Variants in RBMS3 observed in about 807,000 individuals in gnomAD.
RBMS3 encodes the protein RNA binding motif single stranded interacting protein 3.
RBMS3 carries 27 observed loss-of-function variants against 66.8 expected under a neutral mutation model. The observed-to-expected ratio is 0.40, with a 90% CI of 0.30 to 0.56. The LOEUF (loss-of-function observed/expected upper bound fraction) is 0.56, where lower values mean the gene tolerates loss of function less well. Among genes scored for constraint, RBMS3 ranks in the 20% least tolerant of loss-of-function variants. The pLI, the probability that RBMS3 is intolerant of heterozygous loss-of-function variation, is 0.40. For synonymous variants in RBMS3, 188 were observed against 183.0 expected (o/e 1.03, Z -0.22); for missense variants, 513 against 549.5 (o/e 0.93, Z 0.66).
intron 6 of RBMS3, among the ~76,000 whole-genome samples, chr3:29,834,856 A>G (rs1477606439): frequency 6.6e-6 from 1 of 152,020 alleles, no homozygotes; most frequent in East Asian, 1.9e-4. Flanking sequence ...CAAATGGATT[A>G]AAACAAGATG....
At chr3:29,809,337 G>GAA (rs138871471) in intron 6 of RBMS3, among the ~76,000 whole-genome samples, 74 of 147,462 alleles carry the variant, frequency 5.0e-4, no homozygotes, top group South Asian at 8.5e-4. Context: ...ATGATCAGTG[G>GAA]GAAAAAAAAA....
At chr3:29,654,387 T>C (rs1172721079) in intron 4 of RBMS3, among the ~76,000 whole-genome samples, 1 of 152,098 alleles carries the variant, frequency 6.6e-6, no homozygotes, top group African/African-American at 2.4e-5. Flanking sequence ...CACTATCAAA[T>C]TGGAGCCTAT....
chr3:29,833,987 A>T (rs2058439979), intron 6 of RBMS3, among the ~76,000 whole-genome samples: 1 of 152,150 alleles, frequency 6.6e-6, no homozygotes, highest in Non-Finnish European at 1.5e-5. Context: ...TCAGACAAGA[A>T]ATAGGTTTTT....
chr3:29,912,276 C>T (rs981895868), intron 10 of RBMS3, among the ~76,000 whole-genome samples: 4 of 152,006 alleles, frequency 2.6e-5, no homozygotes, highest in African/African-American at 4.8e-5. Context: ...TAGACTATTT[C>T]TGCATTGGCA....
intron 3 of RBMS3, among the ~76,000 whole-genome samples, chr3:29,525,476 G>T (rs191622746): frequency 6.6e-6 from 1 of 152,282 alleles, no homozygotes; most frequent in African/African-American, 2.4e-5. Flanking sequence ...CAAGCTGTTT[G>T]CACAGAATAG....
At chr3:29,488,264 C>A (rs567417901) in intron 2 of RBMS3, among the ~76,000 whole-genome samples, 177 bp from the exon 3 acceptor site, 2 of 152,124 alleles carry the variant, frequency 1.3e-5, no homozygotes, top group African/African-American at 4.8e-5. Flanking sequence ...AAGAACATTC[C>A]TAAGTTATAA....
chr3:29,578,825 C>T (rs1011347019), intron 3 of RBMS3, among the ~76,000 whole-genome samples: 5 of 88,634 alleles, frequency 5.6e-5, no homozygotes, highest in South Asian at 9.6e-4. Context: ...GACGGAGTCT[C>T]GCTCTGTCGC....
chr3:29,353,924 C>T (rs2037068248), intron 1 of RBMS3, among the ~76,000 whole-genome samples: 2 of 152,068 alleles, frequency 1.3e-5, no homozygotes, highest in South Asian at 4.1e-4. Flanking sequence ...GTATATTCTG[C>T]ATTTGAACTC....
intron 1 of RBMS3, among the ~76,000 whole-genome samples, chr3:29,388,786 A>C (rs557917395): frequency 4.6e-5 from 7 of 152,062 alleles, no homozygotes; most frequent in Non-Finnish European, 8.8e-5. Context: ...GGATGGTCTC[A>C]ATCTCCTGAC....
chr3:29,661,517 T>C (rs1559546501), intron 4 of RBMS3, among the ~76,000 whole-genome samples: 1 of 152,192 alleles, frequency 6.6e-6, no homozygotes, highest in East Asian at 1.9e-4. Flanking sequence ...TCCTGCTAGA[T>C]TATTTAATTT....
At chr3:29,813,020 GA>G (rs2149461366) in intron 6 of RBMS3, among the ~76,000 whole-genome samples, 1 of 151,972 alleles carries the variant, frequency 6.6e-6, no homozygotes, top group South Asian at 2.1e-4. Flanking sequence ...AGTGTATCAT[GA>G]ACTTCTTTAC....
At chr3:29,884,660 T>A (rs1441524047) in intron 8 of RBMS3, among the ~76,000 whole-genome samples, 2 of 151,830 alleles carry the variant, frequency 1.3e-5, no homozygotes, top group African/African-American at 2.4e-5. Flanking sequence ...CTCAGGTGAT[T>A]GCATCTTCAT....
intron 12 of RBMS3, among the ~76,000 whole-genome samples, chr3:29,986,626 C>A (rs1391310904): frequency 6.6e-6 from 1 of 152,172 alleles, no homozygotes; most frequent in African/African-American, 2.4e-5. Flanking sequence ...CTACAACATA[C>A]TCTATAGAGT....
At chr3:29,536,702 T>G (rs542928087) in intron 3 of RBMS3, among the ~76,000 whole-genome samples, 6 of 152,336 alleles carry the variant, frequency 3.9e-5, no homozygotes, top group African/African-American at 1.4e-4. Flanking sequence ...GTGATTTATT[T>G]GTTTTCCAGG....
chr3:29,469,549 C>T (rs1476183791), intron 2 of RBMS3, among the ~76,000 whole-genome samples: 12 of 151,690 alleles, frequency 7.9e-5, no homozygotes, highest in Non-Finnish European at 1.5e-4. Context: ...ATTGCAGTCT[C>T]TTACACCATC....
At position 29,991,251 on chromosome 3, in the gene RBMS3, C is replaced by T. The variant is rs370433181; in HGVS notation, c.1307+42C>T. 1.4e-5 allele frequency: 22 copies of T among 1,612,690 alleles called. No homozygotes were observed. The Admixed American group carries it at 1.7e-4, about 12-fold the overall frequency. On this transcript the variant is annotated intron_variant, in intron 14 of 14. Coordinates refer to ENST00000383767, the MANE Select transcript of RBMS3 (RefSeq NM_001003793.3). The stretch of plus-strand genomic sequence containing the variant: ...CTAAGCTCTTTTCCTCAAGATCAGC[C>T]ATCTTGACATCACTCTCTCATGTTG...
chr3:29,932,315 A>G (rs2061150283), intron 10 of RBMS3, among the ~76,000 whole-genome samples: 1 of 152,220 alleles, frequency 6.6e-6, no homozygotes, highest in Admixed American at 6.5e-5. Context: ...GATTCAAACA[A>G]ATAAATGAGA....
chr3:29,445,887 T>G (rs1259387004), intron 2 of RBMS3, among the ~76,000 whole-genome samples: 1 of 152,194 alleles, frequency 6.6e-6, no homozygotes, highest in Admixed American at 6.5e-5. Context: ...ACAGATTTTT[T>G]GAAAATAGAT....
At chr3:29,492,436 A>G (rs1348835807) in intron 3 of RBMS3, among the ~76,000 whole-genome samples, 2 of 152,208 alleles carry the variant, frequency 1.3e-5, no homozygotes, top group African/African-American at 4.8e-5. Flanking sequence ...AGGAACTGAT[A>G]AGAACGAGTA....
Sources: gnomAD v4.1 joint callset for allele counts (sites outside exome capture counted in the v4.1 genomes callset) on GRCh38, gnomAD v4.1.1 for gene constraint, MANE v1.5 for transcripts, NCBI Gene and HGNC (gene_info 2026-07-23, HGNC 2026-07-21) for gene names.